ATRN: variants seen among roughly 807,000 people sequenced by gnomAD.
The protein encoded by ATRN is attractin.
A neutral mutation model predicts 178.7 loss-of-function variants in ATRN; 54 were observed. That is an observed-to-expected ratio of 0.30 (90% CI 0.24 to 0.38). The LOEUF (loss-of-function observed/expected upper bound fraction) is 0.38. Among genes scored for constraint, ATRN ranks in the 10% least tolerant of loss-of-function variants. ATRN has a pLI of 1.00. For synonymous variants in ATRN, 636 were observed against 663.0 expected, an observed-to-expected ratio of 0.96 and a Z score of 0.63; for missense variants, 1,443 against 1,815.1, an observed-to-expected ratio of 0.79 and a Z score of 3.73.
chr20:3,634,300 C>T lies in ATRN; in HGVS notation c.3864-11C>T. 6.2e-7 allele frequency: 1 copy of T among 1,611,296 alleles called. No individual in the cohort carries two copies. The highest frequency in any genetic ancestry group is 8.5e-7 in the Non-Finnish European group (1 of 1,177,870). On this transcript the variant is annotated splice_polypyrimidine_tract_variant and intron_variant, in intron 25 of 28. Transcript: ENST00000262919. The stretch of plus-strand genomic sequence containing the variant: ...GCTGGGATAATAACTCAGTACTTTC[C>T]TTTCTCACAGTTGTTTCCTCTCTTT...
At chr20:3,554,722 C>T (rs991274757) in intron 6 of ATRN, among the ~76,000 whole-genome samples, 1 of 152,082 alleles carries the variant, frequency 6.6e-6, no homozygotes, top group African/African-American at 2.4e-5. Context: ...GTCCTGTTAA[C>T]GCAAAACTTT....
intron 1 of ATRN, among the ~76,000 whole-genome samples, chr20:3,512,107 A>ATATATATATATATATATATATATATT: frequency 9.4e-6 from 1 of 106,392 alleles, no homozygotes; most frequent in Admixed American, 9.7e-5. Flanking sequence ...ATATATATAT[A>ATATATATATATATATATATATATATT]TTTTTTTTTT....
chr20:3,559,339 A>G (rs1299188920), intron 6 of ATRN, 54 bp from the exon 7 acceptor site: 2 of 1,295,986 alleles, frequency 1.5e-6, no homozygotes, highest in African/African-American at 1.5e-5. Context: ...ATAAAATAGT[A>G]TGAGATGTTC....
At position 3,471,061 on chromosome 20, in the gene ATRN, C is replaced by A. The variant is rs752712095; in HGVS notation, c.-47C>A. On this transcript the variant is annotated 5_prime_UTR_variant, in exon 1 of 29. Transcript: ENST00000262919. ...GCCAGGCGAAGCGGAGCCGGCCGTGCGGTGTGTGTGTATGTGTTCGCGGGG... is the reference window on the plus strand; with the variant it reads ...GCCAGGCGAAGCGGAGCCGGCCGTGAGGTGTGTGTGTATGTGTTCGCGGGG... The A allele has an allele frequency of 1.4e-6, 2 of 1,464,758 alleles. No homozygotes were observed. Among genetic ancestry groups the A allele is most frequent in the South Asian group, 1.3e-5 (1 of 76,952 alleles). The allele number at this position is 1,464,758 out of a possible 1,614,324, so 90.7% of individuals were successfully genotyped here. A position where few individuals can be genotyped will look rare whatever the true frequency, so the allele number is the denominator to read the frequency against.
chr20:3,480,807 TTAAG>T (rs1289543269), intron 1 of ATRN, among the ~76,000 whole-genome samples: 1 of 152,186 alleles, frequency 6.6e-6, no homozygotes, highest in African/African-American at 2.4e-5. Flanking sequence ...ATAAATGTGA[TTAAG>T]TGATTTAATA....
intron 14 of ATRN, among the ~76,000 whole-genome samples, chr20:3,578,375 T>C (rs2086239255): frequency 6.6e-6 from 1 of 152,208 alleles, no homozygotes; most frequent in Non-Finnish European, 1.5e-5. Flanking sequence ...CTTTTTAGGA[T>C]CCGGGAGATA....
chr20:3,553,894 G>A (rs1370837192), intron 6 of ATRN, among the ~76,000 whole-genome samples: 1 of 152,136 alleles, frequency 6.6e-6, no homozygotes, highest in African/African-American at 2.4e-5. Flanking sequence ...GGCAGTGTTA[G>A]TGATTTTTTG....
chr20:3,544,533 T>C (rs566014120), intron 3 of ATRN, among the ~76,000 whole-genome samples: 1 of 151,888 alleles, frequency 6.6e-6, no homozygotes, highest in South Asian at 2.1e-4. Context: ...GAATCAATAA[T>C]GGGGCAAAAA....
chr20:3,500,616 C>T (rs1459263026), intron 1 of ATRN, among the ~76,000 whole-genome samples: 1 of 144,798 alleles, frequency 6.9e-6, no homozygotes, highest in Non-Finnish European at 1.5e-5. Flanking sequence ...TATTCTCACT[C>T]ATAGGTGGGA....
chr20:3,588,631 A>G (rs977467707), intron 18 of ATRN, among the ~76,000 whole-genome samples: 1 of 152,066 alleles, frequency 6.6e-6, no homozygotes, highest in African/African-American at 2.4e-5. Flanking sequence ...AGGGGGATAT[A>G]AGTTTGTGGT....
chr20:3,578,559 T>G (rs1426373283), intron 14 of ATRN, 23 bp from the exon 15 acceptor site: 6 of 1,572,520 alleles, frequency 3.8e-6, no homozygotes, highest in South Asian at 1.2e-5. Context: ...ATTCTTTTCT[T>G]TCTCTTTTCC....
intron 25 of ATRN, among the ~76,000 whole-genome samples, chr20:3,624,883 A>C (rs1007464603): frequency 6.6e-6 from 1 of 152,238 alleles, no homozygotes; most frequent in Non-Finnish European, 1.5e-5. Flanking sequence ...TGGGACTAAA[A>C]CAACATTTAA....
chr20:3,640,471 A>AT (rs1326730020), intron 27 of ATRN, among the ~76,000 whole-genome samples: 1 of 152,252 alleles, frequency 6.6e-6, no homozygotes, highest in African/African-American at 2.4e-5. Context: ...GAAAACATGA[A>AT]TATACAGATT....
intron 7 of ATRN, among the ~76,000 whole-genome samples, chr20:3,560,023 AT>A (rs1182011515): frequency 4.0e-5 from 6 of 151,824 alleles, no homozygotes; most frequent in African/African-American, 7.3e-5. Flanking sequence ...AACCCTTAAA[AT>A]TTTTTTTAAT....
intron 11 of ATRN, among the ~76,000 whole-genome samples, chr20:3,571,111 A>G (rs556600759): frequency 7.2e-5 from 11 of 152,248 alleles, no homozygotes; most frequent in African/African-American, 2.6e-4. Flanking sequence ...TTCCTTTTAC[A>G]TCTGCCTAAT....
intron 6 of ATRN, among the ~76,000 whole-genome samples, chr20:3,550,421 C>A (rs1466485608): frequency 6.6e-6 from 1 of 152,138 alleles, no homozygotes; most frequent in Admixed American, 6.5e-5. Context: ...CCTGTTGCCT[C>A]CAGCTTCGTT....
intron 1 of ATRN, chr20:3,489,937 T>A (rs2084762154): frequency 8.9e-7 from 1 of 1,121,666 alleles, no homozygotes. Context: ...TCACTCTCAC[T>A]CTTACTGATC....
intron 1 of ATRN, among the ~76,000 whole-genome samples, chr20:3,488,659 C>T (rs948171686): frequency 1.3e-5 from 2 of 152,108 alleles, no homozygotes; most frequent in African/African-American, 2.4e-5. Context: ...TTACCTTATT[C>T]TTGTTCTTTT....
intron 15 of ATRN, 31 bp downstream of exon 15, chr20:3,578,803 T>A (rs936790492): frequency 1.3e-6 from 2 of 1,588,434 alleles, no homozygotes; most frequent in Admixed American, 3.4e-5. Flanking sequence ...CTTAAGTTTC[T>A]GGTTATCCAC....
Sources: allele counts gnomAD v4.1 joint callset (sites outside exome capture counted in the v4.1 genomes callset), GRCh38; gene constraint gnomAD v4.1.1; transcripts MANE v1.5; gene names NCBI Gene and HGNC (gene_info 2026-07-23, HGNC 2026-07-21).